The following TBX19 variants were observed in gnomAD, a reference collection of about 807,000 sequenced individuals.
TBX19 encodes T-box transcription factor 19.
Under a neutral mutation model 40.9 loss-of-function variants are expected in TBX19, and 33 were observed. The ratio of observed to expected loss-of-function variants is 0.81; its 90% CI spans 0.61 to 1.08. The LOEUF (loss-of-function observed/expected upper bound fraction) is 1.08, where lower values mean the gene tolerates loss of function less well. Ranked by LOEUF, TBX19 falls within the 50% of genes least tolerant of loss-of-function variation. The probability of loss-of-function intolerance (pLI) is 0.00; values close to 1 mark genes in which losing one functional copy is unlikely to be tolerated. For synonymous variants in TBX19, 220 were observed against 225.0 expected (o/e 0.98, Z 0.20); for missense variants, 494 against 574.0 (o/e 0.86, Z 1.42).
intron 7 of TBX19, among the ~76,000 whole-genome samples, chr1:168,312,074 G>A (rs1649538552): frequency 6.6e-6 from 1 of 152,244 alleles, no homozygotes; most frequent in Non-Finnish European, 1.5e-5. Flanking sequence ...AGAGCTCACA[G>A]GCGGAGACCA....
At chr1:168,308,704 A>G in intron 6 of TBX19, 38 bp from the exon 7 acceptor site, 6 of 1,613,970 alleles carry the variant, frequency 3.7e-6, no homozygotes, top group Non-Finnish European at 4.2e-6. Context: ...TATGTCTTCT[A>G]CATTTGCTAT....
chr1:168,308,648 C>G, intron 6 of TBX19, 94 bp from the exon 7 acceptor site: 1 of 1,495,066 alleles, frequency 6.7e-7, no homozygotes, highest in Non-Finnish European at 9.3e-7. Context: ...GTAGTGCAAG[C>G]CATGGTTATA....
chr1:168,307,635 C>A (rs1056822173), intron 6 of TBX19, among the ~76,000 whole-genome samples: 1 of 152,102 alleles, frequency 6.6e-6, no homozygotes, highest in African/African-American at 2.4e-5. Flanking sequence ...CCTTCTCCCC[C>A]TTTTCCCTTC....
In TBX19 at chr1:168,305,180, A is replaced by AAACC. The variant is rs776519842; in HGVS notation, c.902_905dup (p.His302GlnfsTer15). 6.2e-7 allele frequency: 1 copy of AAACC among 1,612,388 alleles called. No homozygotes were observed. Among genetic ancestry groups the AAACC allele is most frequent in the Non-Finnish European group, 8.5e-7 (1 of 1,180,026 alleles). The stretch of plus-strand genomic sequence containing the variant: ...CCTACCCTTCTGCGTACATGCACAG[A>AAACC]AACCATTCTCCCTCAGGTCTGTGAC... On this transcript the variant is annotated frameshift_variant, in exon 6 of 8. Transcript: ENST00000367821. LOFTEE classifies it high-confidence loss of function.
chr1:168,306,687 A>C (rs1018713939), intron 6 of TBX19, among the ~76,000 whole-genome samples: 19 of 152,042 alleles, frequency 1.2e-4, no homozygotes, highest in Non-Finnish European at 2.5e-4. Context: ...GGGTTACACA[A>C]ATACGTAAAT....
chr1:168,299,171 C>T (rs541181175), intron 4 of TBX19, among the ~76,000 whole-genome samples: 13 of 151,946 alleles, frequency 8.6e-5, no homozygotes, highest in South Asian at 8.3e-4. Flanking sequence ...CCACTCGCCT[C>T]GGCCTCCCAA....
At chr1:168,295,873 C>T (rs1020269963) in intron 3 of TBX19, among the ~76,000 whole-genome samples, 1 of 152,182 alleles carries the variant, frequency 6.6e-6, no homozygotes, top group African/African-American at 2.4e-5. Flanking sequence ...CGGAACTTGT[C>T]ATTTGGCTGC....
chr1:168,304,688 C>T (rs1649358151), intron 5 of TBX19, among the ~76,000 whole-genome samples: 1 of 152,226 alleles, frequency 6.6e-6, no homozygotes, highest in African/African-American at 2.4e-5. Flanking sequence ...CCAAAGCTAG[C>T]TTGGCAGCTT....
intron 1 of TBX19, among the ~76,000 whole-genome samples, chr1:168,284,557 T>G (rs1205961124): frequency 6.6e-6 from 1 of 151,906 alleles, no homozygotes; most frequent in African/African-American, 2.4e-5. Flanking sequence ...GGTTGATCAC[T>G]TGAGCTCAGA....
Position 168,313,044 on chromosome 1 carries a change from T to A in TBX19, c.*42T>A, listed in dbSNP as rs1649565678. 6.2e-7 allele frequency: 1 copy of A among 1,611,320 alleles called. No individual in the cohort carries two copies. Among genetic ancestry groups the A allele is most frequent in the Non-Finnish European group, 8.5e-7 (1 of 1,177,952 alleles). On this transcript the variant is annotated 3_prime_UTR_variant, in exon 8 of 8. Transcript: ENST00000367821. ...CTCTTTGCACAGCGATCCTTCCATG[T>A]GTAGAGTGCTTAGAAACCCCATCAA... is the stretch of plus-strand genomic sequence containing the variant.
intron 6 of TBX19, among the ~76,000 whole-genome samples, chr1:168,306,807 A>T (rs988590846): frequency 6.6e-6 from 1 of 152,134 alleles, no homozygotes; most frequent in Admixed American, 6.5e-5. Context: ...TCACCAGGGG[A>T]TTCATAAGCG....
chr1:168,289,773 G>A (rs1648894883), intron 1 of TBX19, among the ~76,000 whole-genome samples: 1 of 152,188 alleles, frequency 6.6e-6, no homozygotes. Flanking sequence ...GCCTGGCCTT[G>A]CTTTGGCTCC....
chr1:168,303,090 G>A (rs538811527), intron 5 of TBX19, among the ~76,000 whole-genome samples: 6 of 151,806 alleles, frequency 4.0e-5, no homozygotes, highest in African/African-American at 1.2e-4. Flanking sequence ...TGTTCACAAC[G>A]TGCAGGTTTG....
intron 2 of TBX19, among the ~76,000 whole-genome samples, chr1:168,292,827 G>A (rs1572475840): frequency 1.5e-5 from 2 of 137,458 alleles, no homozygotes; most frequent in South Asian, 4.5e-4. Context: ...TAGCGCCACT[G>A]CACTCCAGCC....
At chr1:168,293,359 C>CG (rs145449033) in intron 3 of TBX19, 81 bp downstream of exon 3, 26,234 of 1,414,262 alleles carry the variant, frequency 0.019, 1,397 homozygotes, top group South Asian at 0.1. Context: ...GCAGGATGGG[C>CG]GGGGGGGGTC....
At position 168,312,900 on chromosome 1, in the gene TBX19, C is replaced by T. The variant is rs775315487; in HGVS notation, c.1245C>T (p.Ser415=). 5 of 1,614,272 alleles carry T rather than the reference C, an allele frequency of 3.1e-6. No homozygotes were observed. Among genetic ancestry groups the T allele is most frequent in the South Asian group, 1.1e-5 (1 of 91,088 alleles). The change falls in exon 8 of 8, where the codon AGC becomes AGT. Residue 415 remains serine, a synonymous_variant. Coordinates refer to ENST00000367821, the MANE Select transcript of TBX19 (RefSeq NM_005149.3). ...TTCTGGGGGAGCCCTCGCTAACCAG[C>T]ATTGCTGTGTCCACCTGGACAGCAG... ...VEVLGEPSLT[S]IAVSTWTAVA... is the part of the protein sequence containing the mutation.
In TBX19 at chr1:168,312,878, TG is replaced by T; in HGVS notation, c.1228del (p.Glu410SerfsTer4). 1.2e-6 allele frequency: 2 copies of T among 1,614,266 alleles called. No homozygotes were observed. The highest frequency in any genetic ancestry group is 1.7e-6 in the Non-Finnish European group (2 of 1,180,046). ...CCCACTTCGGCTGGTGTGGAGGTTC[TG>T]GGGGAGCCCTCGCTAACCAGCATTG... is the stretch of plus-strand genomic sequence containing the variant. ...QAPTSAGVEV[L>X]GEPSLTSIAV... is the part of the protein sequence containing the mutation. On this transcript the variant is annotated frameshift_variant, in exon 8 of 8. Coordinates refer to ENST00000367821, the MANE Select transcript of TBX19 (RefSeq NM_005149.3). LOFTEE classifies it high-confidence loss of function.
At chr1:168,305,438 C>T (rs1248807026) in intron 6 of TBX19, among the ~76,000 whole-genome samples, 1 of 152,018 alleles carries the variant, frequency 6.6e-6, no homozygotes, top group East Asian at 1.9e-4. Flanking sequence ...CCCCAGTCTC[C>T]TGGTTTCTAA....
intron 4 of TBX19, 121 bp downstream of exon 4, chr1:168,297,906 T>C (rs1431994158): frequency 1.1e-6 from 1 of 929,424 alleles, no homozygotes; most frequent in East Asian, 2.8e-5. Flanking sequence ...TTTATAGAAA[T>C]AGGCTTTCGG....
Sources: allele counts gnomAD v4.1 joint callset (sites outside exome capture counted in the v4.1 genomes callset), GRCh38; gene constraint gnomAD v4.1.1; transcripts MANE v1.5; gene names NCBI Gene and HGNC (gene_info 2026-07-23, HGNC 2026-07-21).